Variants in MORC3 observed in about 807,000 individuals in gnomAD.
MORC3 encodes MORC family CW-type zinc finger protein 3.
A neutral mutation model predicts 109.1 loss-of-function variants in MORC3; 31 were observed. The observed-to-expected ratio is 0.28, with a 90% CI of 0.21 to 0.38. The LOEUF (loss-of-function observed/expected upper bound fraction) is 0.38, where lower values mean the gene tolerates loss of function less well. MORC3 is among the 10% of genes least tolerant of loss of function. The pLI, the probability that MORC3 is intolerant of heterozygous loss-of-function variation, is 1.00. For synonymous variants in MORC3, 395 were observed against 380.7 expected, an observed-to-expected ratio of 1.04 and a Z score of -0.44; for missense variants, 867 against 1,135.8, an observed-to-expected ratio of 0.76 and a Z score of 3.40.
intron 7 of MORC3, 64 bp downstream of exon 7, chr21:36,344,771 C>T (rs1183955185): frequency 1.3e-6 from 2 of 1,593,454 alleles, no homozygotes; most frequent in Non-Finnish European, 1.7e-6. Flanking sequence ...TGCCCCTTTC[C>T]CCTTATATGC....
At chr21:36,322,751 A>T (rs79137198) in intron 1 of MORC3, among the ~76,000 whole-genome samples, 3,985 of 152,042 alleles carry the variant, frequency 0.026, 71 homozygotes, top group Admixed American at 0.047. Flanking sequence ...AAGTTTTTAA[A>T]TTTTTTGCTT....
intron 4 of MORC3, 118 bp downstream of exon 4, chr21:36,338,064 T>C (rs1323202044): frequency 3.9e-6 from 4 of 1,029,816 alleles, no homozygotes; most frequent in Non-Finnish European, 4.3e-6. Flanking sequence ...TTCCATTTCT[T>C]ACCTCTGTCC....
intron 6 of MORC3, among the ~76,000 whole-genome samples, chr21:36,342,769 A>G (rs529420305): frequency 1.3e-5 from 2 of 152,006 alleles, no homozygotes; most frequent in South Asian, 4.2e-4. Flanking sequence ...ATGTAATCCC[A>G]GCACTTTGTG....
In MORC3 at chr21:36,372,641, T is replaced by G; in HGVS notation, c.2666+110T>G. 5 of 1,153,104 alleles carry G rather than the reference T, an allele frequency of 4.3e-6. No individual in the cohort carries two copies. In the East Asian group the frequency reaches 1.4e-4, roughly 31 times the overall value. The allele number at this position is 1,153,104 out of a possible 1,614,324, so 71.4% of individuals were successfully genotyped here. The stretch of plus-strand genomic sequence containing the variant: ...ATACTGTTCTGTCAAAAGAAGTTAT[T>G]GATGGTCTGCTGTGACCCTGGTGTT... On this transcript the variant is annotated intron_variant, in intron 16 of 16. Transcript: ENST00000400485.
At chr21:36,342,574 T>C (rs2085461386) in intron 6 of MORC3, among the ~76,000 whole-genome samples, 1 of 152,062 alleles carries the variant, frequency 6.6e-6, no homozygotes, top group South Asian at 2.1e-4. Context: ...GGCTATTTTT[T>C]TGTATTTTTG....
rs1032100213 is a variant in MORC3 at position 36,320,285 on chromosome 21, C to G, written c.21C>G (p.Arg7=). MAAQPP[R]GIRLSALCPK... is the part of the protein sequence containing the mutation. The stretch of plus-strand genomic sequence containing the variant: ...TCAAGATGGCGGCGCAGCCACCCCG[C>G]GGGATACGCCTCAGCGCGGTGAGCA... The change falls in exon 1 of 17, where the codon CGC becomes CGG. Residue 7 remains arginine (R), a synonymous_variant. Coordinates refer to ENST00000400485, the MANE Select transcript of MORC3 (RefSeq NM_015358.3). 5.2e-6 allele frequency: 8 copies of G among 1,549,044 alleles called. No individual in the cohort carries two copies. Among genetic ancestry groups the G allele is most frequent in the Non-Finnish European group, 7.0e-6 (8 of 1,145,738 alleles).
At position 36,333,648 on chromosome 21, in the gene MORC3, T is replaced by A; in HGVS notation, c.42T>A (p.Leu14=). Residue 14 remains leucine (L), a splice_region_variant and synonymous_variant, in exon 2 of 17, where the codon CTT becomes CTA. Transcript: ENST00000400485. The part of the protein sequence containing the change: ...QPPRGIRLSA[L]CPKFLHTNST... ...CATGGACCTTTTGTTTGTTTCAGCT[T>A]TGCCCGAAGTTTTTACATACAAATT... 1.9e-6 allele frequency: 3 copies of A among 1,612,250 alleles called. No homozygotes were observed. The highest frequency in any genetic ancestry group is 2.5e-6 in the Non-Finnish European group (3 of 1,178,584).
Position 36,338,807 on chromosome 21 carries a change from G to T in MORC3, c.494G>T (p.Ser165Ile), listed in dbSNP as rs2146300907. The change falls in exon 5 of 17, where the codon AGC becomes ATC. Residue 165 changes from serine (S) to isoleucine (I), a missense_variant. Ser to Ile is a moderately radical substitution (Grantham distance 142). Coordinates refer to ENST00000400485, the MANE Select transcript of MORC3 (RefSeq NM_015358.3). Reference sequence around the variant, plus strand: ...ATTAATTTAGCAGAATCAAAAGCCAGCCTTGCTGCAATTCTGGAACATTCT... The same window carrying T: ...ATTAATTTAGCAGAATCAAAAGCCATCCTTGCTGCAATTCTGGAACATTCT... ...QMINLAESKA[S>I]LAAILEHSLF... 6.2e-7 allele frequency: 1 copy of T among 1,613,888 alleles called. No individual in the cohort carries two copies. Among genetic ancestry groups the T allele is most frequent in the Middle Eastern group, 1.7e-4 (1 of 6,060 alleles).
intron 9 of MORC3, among the ~76,000 whole-genome samples, chr21:36,353,534 A>T (rs1161895450): frequency 6.6e-6 from 1 of 151,548 alleles, no homozygotes; most frequent in Non-Finnish European, 1.5e-5. Context: ...TGAGATTAGG[A>T]GTTCGAGACC....
At chr21:36,329,117 A>C (rs1046474398) in intron 1 of MORC3, among the ~76,000 whole-genome samples, 3 of 151,996 alleles carry the variant, frequency 2.0e-5, no homozygotes, top group Non-Finnish European at 4.4e-5. Context: ...GCATGGTGAA[A>C]TCATGTCTCT....
At chr21:36,322,023 T>G (rs908003269) in intron 1 of MORC3, among the ~76,000 whole-genome samples, 1 of 152,184 alleles carries the variant, frequency 6.6e-6, no homozygotes, top group Admixed American at 6.6e-5. Context: ...GACAGAAATC[T>G]CCCATCTGCA....
At position 36,336,893 on chromosome 21, in the gene MORC3, T is replaced by C; in HGVS notation, c.132T>C (p.Asp44=). 1 of 1,611,584 alleles carries C rather than the reference T, an allele frequency of 6.2e-7. No individual in the cohort carries two copies. The highest frequency in any genetic ancestry group is 8.5e-7 in the Non-Finnish European group (1 of 1,179,094). The part of the protein sequence containing the change: ...AELIDNAYDP[D]VNAKQIWIDK... ...TCCCAGATAATGCTTATGATCCTGA[T>C]GTGAACGCTAAACAAATATGGATTG... The change falls in exon 3 of 17, where the codon GAT becomes GAC. Residue 44 remains aspartate, a synonymous_variant. Coordinates refer to ENST00000400485, the MANE Select transcript of MORC3 (RefSeq NM_015358.3).
intron 8 of MORC3, among the ~76,000 whole-genome samples, chr21:36,348,994 A>G (rs2146314142): frequency 6.6e-6 from 1 of 152,142 alleles, no homozygotes; most frequent in East Asian, 1.9e-4. Flanking sequence ...TCTGCTAAAA[A>G]TAGAAAAATT....
intron 16 of MORC3, among the ~76,000 whole-genome samples, chr21:36,372,888 C>T (rs766127091): frequency 1.3e-4 from 20 of 152,316 alleles, no homozygotes; most frequent in Middle Eastern, 3.4e-3. Context: ...CTGAAACTCA[C>T]TCCTTCAACC....
chr21:36,353,288 C>G (rs977903132), intron 9 of MORC3, among the ~76,000 whole-genome samples: 1 of 128,778 alleles, frequency 7.8e-6, no homozygotes, highest in Non-Finnish European at 1.6e-5. Context: ...ACCAGGGAGT[C>G]GGAGGTTGCA....
At chr21:36,366,580 G>A (rs1342321925) in intron 14 of MORC3, among the ~76,000 whole-genome samples, 1 of 151,848 alleles carries the variant, frequency 6.6e-6, no homozygotes, top group Non-Finnish European at 1.5e-5. Flanking sequence ...TCAGCCTCCT[G>A]AGTAGCTGAG....
At chr21:36,320,353 G>A in intron 1 of MORC3, 50 bp downstream of exon 1, 2 of 1,363,892 alleles carry the variant, frequency 1.5e-6, no homozygotes, top group South Asian at 1.6e-5. Flanking sequence ...AGGGCGGGCG[G>A]GCAAGCGAAG....
intron 1 of MORC3, among the ~76,000 whole-genome samples, chr21:36,325,352 C>T (rs1251768176): frequency 6.6e-6 from 1 of 152,162 alleles, no homozygotes; most frequent in African/African-American, 2.4e-5. Context: ...CCTGCCATGG[C>T]ATAATTCTGG....
chr21:36,351,057 C>CTTTT lies in MORC3; in HGVS notation c.1103+1672_1103+1675dup, dbSNP rs748042243. Among the ~76,000 whole-genome samples the CTTTT allele has an allele frequency of 1.1e-3, 76 of 71,454 alleles. 10 individuals are homozygous for CTTTT. Among genetic ancestry groups the CTTTT allele is most frequent in the African/African-American group, 1.5e-3 (29 of 18,970 alleles). The allele number at this position is 71,454 out of a possible 152,430, so 46.9% of individuals were successfully genotyped here. A position where few individuals can be genotyped will look rare whatever the true frequency, so the allele number is the denominator to read the frequency against. ...GTTATTGTTAACTACGGTTGTCCTC[C>CTTTT]TTTTTTTTTTTTTTTTTTTTTTTTT... On this transcript the variant is annotated intron_variant, in intron 9 of 16. Coordinates refer to ENST00000400485, the MANE Select transcript of MORC3 (RefSeq NM_015358.3).
Sources: gnomAD v4.1 joint callset for allele counts (sites outside exome capture counted in the v4.1 genomes callset) on GRCh38, gnomAD v4.1.1 for gene constraint, MANE v1.5 for transcripts, NCBI Gene and HGNC (gene_info 2026-07-23, HGNC 2026-07-21) for gene names.